FAM13C: variants seen among roughly 807,000 people sequenced by gnomAD.
The protein encoded by FAM13C is family with sequence similarity 13 member C, also known as protein FAM13C.
FAM13C carries 37 observed loss-of-function variants against 73.2 expected under a neutral mutation model. That is an observed-to-expected ratio of 0.51 (90% CI 0.39 to 0.67). The LOEUF (loss-of-function observed/expected upper bound fraction) is 0.67, where lower values mean the gene tolerates loss of function less well. FAM13C is among the 30% of genes least tolerant of loss of function. The pLI is 0.00. For missense variants in FAM13C, 589 were observed against 715.6 expected (o/e 0.82, Z 2.02); for synonymous variants, 246 against 260.9 (o/e 0.94, Z 0.55).
chr10:59,319,180 C>T (rs1239549175), intron 4 of FAM13C, among the ~76,000 whole-genome samples: 3 of 151,182 alleles, frequency 2.0e-5, no homozygotes, highest in Admixed American at 6.6e-5. Context: ...TTGCTGCCAA[C>T]AAAACTTCCT....
intron 6 of FAM13C, among the ~76,000 whole-genome samples, chr10:59,276,060 T>C (rs1173359331): frequency 6.6e-6 from 1 of 152,210 alleles, no homozygotes; most frequent in African/African-American, 2.4e-5. Context: ...ATAACTTTTC[T>C]GGCCAAGTTA....
chr10:59,304,816 A>AGGGG (rs1848039023), intron 4 of FAM13C, among the ~76,000 whole-genome samples: 2 of 53,472 alleles, frequency 3.7e-5, no homozygotes, highest in African/African-American at 6.4e-5. Flanking sequence ...AAGGGAAGGA[A>AGGGG]AGGGGAAGGG....
intron 1 of FAM13C, 87 bp downstream of exon 1, chr10:59,362,312 C>T: frequency 1.3e-6 from 2 of 1,533,436 alleles, no homozygotes; most frequent in Non-Finnish European, 1.8e-6. Context: ...AAACGAACAG[C>T]GGCTGGGAAC....
intron 2 of FAM13C, among the ~76,000 whole-genome samples, chr10:59,353,535 C>A (rs1448616699): frequency 5.9e-5 from 9 of 152,150 alleles, no homozygotes; most frequent in African/African-American, 2.2e-4. Context: ...ACCTGGAAAG[C>A]AATTCCTAGC....
chr10:59,359,059 T>C (rs1347741260), intron 1 of FAM13C, among the ~76,000 whole-genome samples: 1 of 152,262 alleles, frequency 6.6e-6, no homozygotes, highest in African/African-American at 2.4e-5. Context: ...TGCTCAGGGT[T>C]GCTACTTTGC....
At chr10:59,291,203 A>G (rs61690869) in intron 5 of FAM13C, among the ~76,000 whole-genome samples, 5,329 of 151,952 alleles carry the variant, frequency 0.035, 333 homozygotes, top group African/African-American at 0.12. Flanking sequence ...AGCTGCCCCC[A>G]CCCCTACCAG....
intron 5 of FAM13C, among the ~76,000 whole-genome samples, chr10:59,299,872 G>T (rs576561791): frequency 1.6e-4 from 25 of 151,888 alleles, no homozygotes; most frequent in African/African-American, 6.0e-4. Context: ...TTTTTTTCTG[G>T]AAAAAACTCC....
chr10:59,301,382 G>A (rs1847582749), intron 5 of FAM13C: 1 of 152,220 alleles, frequency 6.6e-6, no homozygotes, highest in African/African-American at 2.4e-5. Context: ...TCCATCCAGT[G>A]CTCTTATGCT....
At chr10:59,313,675 A>T (rs527374736) in intron 4 of FAM13C, among the ~76,000 whole-genome samples, 4 of 152,284 alleles carry the variant, frequency 2.6e-5, no homozygotes, top group African/African-American at 9.6e-5. Context: ...GAGGGAAGCT[A>T]AGGTCTAGCT....
chr10:59,346,487 G>A (rs193137857), intron 3 of FAM13C, among the ~76,000 whole-genome samples: 193 of 152,288 alleles, frequency 1.3e-3, no homozygotes, highest in Non-Finnish European at 2.1e-3. Context: ...TCTCCCCAAG[G>A]AAGTGGATTA....
At chr10:59,270,154 G>T in intron 6 of FAM13C, 45 bp from the exon 7 acceptor site, 2 of 1,555,376 alleles carry the variant, frequency 1.3e-6, no homozygotes, top group East Asian at 2.3e-5. Flanking sequence ...GTGACAGAGG[G>T]CTTGAGACTG....
Position 59,263,932 on chromosome 10 carries a change from AG to A in FAM13C, c.1024+152del. ...TGGGGCCAAACAATGACAGAGATAC[AG>A]GGTGCTTTATTTCAAAAGGGAGTTA... is the stretch of plus-strand genomic sequence containing the variant. On this transcript the variant is annotated intron_variant, in intron 9 of 13. Coordinates refer to ENST00000618804, the MANE Select transcript of FAM13C (RefSeq NM_198215.4). 4.3e-6 allele frequency: 3 copies of A among 696,330 alleles called. No homozygotes were observed. The South Asian group carries it at 4.8e-5, about 11-fold the overall frequency. The allele number at this position is 696,330 out of a possible 1,614,324, so 43.1% of individuals were successfully genotyped here. A position where few individuals can be genotyped will look rare whatever the true frequency, so the allele number is the denominator to read the frequency against.
At chr10:59,283,264 C>A (rs1295691334) in intron 6 of FAM13C, 99 bp downstream of exon 6, 2 of 1,263,950 alleles carry the variant, frequency 1.6e-6, no homozygotes, top group Non-Finnish European at 2.3e-6. Context: ...TTGCCCCAGG[C>A]ACTGTTTTCC....
In FAM13C at chr10:59,305,682, A is replaced by C. The variant is rs142153459; in HGVS notation, c.444-2818T>G. 7.5e-3 allele frequency among the ~76,000 whole-genome samples: 1,145 copies of C among 152,336 alleles called. 12 individuals carry two copies. Among genetic ancestry groups the C allele is most frequent in the African/African-American group, 0.026 (1,099 of 41,574 alleles). On this transcript the variant is annotated intron_variant, in intron 4 of 13. Transcript: ENST00000618804. ...ACTGTGCAAACAATTTCTAATGAGA[A>C]AAGTTAAGGAGATGGTAATAGAAGA...
In FAM13C at chr10:59,262,646, C is replaced by A; in HGVS notation, c.1025-1G>T. The A allele has an allele frequency of 1.2e-6, 2 of 1,612,510 alleles. No individual in the cohort carries two copies. The highest frequency in any genetic ancestry group is 2.2e-5 in the South Asian group (2 of 91,042). On this transcript the variant is annotated splice_acceptor_variant, in intron 9 of 13. Transcript: ENST00000618804. LOFTEE classifies it high-confidence loss of function. ...TCTTCTGACAGCTTTAGCTTTAGTTCTAAGAGAAATGCTATGAGTTATCAT... is the reference window on the plus strand; with the variant it reads ...TCTTCTGACAGCTTTAGCTTTAGTTATAAGAGAAATGCTATGAGTTATCAT...
At chr10:59,247,846 T>G in intron 13 of FAM13C, 109 bp from the exon 14 acceptor site, 1 of 1,017,466 alleles carries the variant, frequency 9.8e-7, no homozygotes, top group Middle Eastern at 2.5e-4. Context: ...TCCACTTGGT[T>G]TTTGCATCAT....
At chr10:59,323,889 G>A (rs771889079) in intron 4 of FAM13C, 99 bp downstream of exon 4, 35 of 1,054,826 alleles carry the variant, frequency 3.3e-5, no homozygotes, top group Non-Finnish European at 4.9e-5. Flanking sequence ...GCCAGCAAAA[G>A]TCAGAAAGCC....
intron 4 of FAM13C, among the ~76,000 whole-genome samples, chr10:59,322,658 G>C (rs1443843746): frequency 6.6e-6 from 1 of 152,160 alleles, no homozygotes; most frequent in East Asian, 1.9e-4. Flanking sequence ...AAGCATGAAT[G>C]ACTTTTTTTT....
chr10:59,313,135 T>A (rs532889795), intron 4 of FAM13C, among the ~76,000 whole-genome samples: 190 of 152,308 alleles, frequency 1.2e-3, no homozygotes, highest in Non-Finnish European at 2.3e-3. Flanking sequence ...TGTATTAGCG[T>A]GGGATCATCC....
Sources: gnomAD v4.1 joint callset for allele counts (sites outside exome capture counted in the v4.1 genomes callset) on GRCh38, gnomAD v4.1.1 for gene constraint, MANE v1.5 for transcripts, NCBI Gene and HGNC (gene_info 2026-07-23, HGNC 2026-07-21) for gene names.